FLT4: variants seen among roughly 807,000 people sequenced by gnomAD.
The protein encoded by FLT4 is vascular endothelial growth factor receptor 3.
In FLT4, 30 loss-of-function variants were observed where a neutral mutation model predicts 163.2. The observed-to-expected ratio is 0.18, with a 90% confidence interval of 0.14 to 0.25. The LOEUF (loss-of-function observed/expected upper bound fraction) is 0.25, where lower values mean the gene tolerates loss of function less well. FLT4 is among the 10% of genes least tolerant of loss of function. The pLI is 1.00. For synonymous variants in FLT4, 884 were observed against 789.5 expected (o/e 1.12, Z -2.01); for missense variants, 1,510 against 1,863.8 (o/e 0.81, Z 3.50).
chr5:180,619,473 C>A, intron 18 of FLT4, 107 bp from the exon 19 acceptor site: 1 of 984,214 alleles, frequency 1.0e-6, no homozygotes, highest in Non-Finnish European at 1.6e-6. Context: ...CCCAGGACAT[C>A]CTGCCGGCCC....
Position 180,631,685 on chromosome 5 carries a change from CAGG to C in FLT4, c.149_151del (p.Ser50del). 1 of 1,608,430 alleles carries C rather than the reference CAGG, an allele frequency of 6.2e-7. No individual in the cohort carries two copies. Among genetic ancestry groups the C allele is most frequent in the Non-Finnish European group, 8.5e-7 (1 of 1,178,524 alleles). The stretch of plus-strand genomic sequence containing the variant: ...CAGTGGGAGAGGGACCCAGTACCTG[CAGG>C]AGATGGACAGGCTGTCACCGGTGTC... On this transcript the variant is annotated inframe_deletion, in exon 2 of 30. Transcript: ENST00000261937.
At position 180,601,850 on chromosome 5, in the gene FLT4, G is replaced by A. The variant is rs865923572; in HGVS notation, c.*1342C>T. On this transcript the variant is annotated 3_prime_UTR_variant, in exon 30 of 30. Coordinates refer to ENST00000261937, the MANE Select transcript of FLT4 (RefSeq NM_182925.5). ...TGGGGGAGGTGGGGAGGGGAGGGTC[G>A]GCCGGGCAAGCCCCTGCCCGCTGCG... 13 of 233,304 alleles carry A rather than the reference G, an allele frequency of 5.6e-5. No homozygotes were observed. Among genetic ancestry groups the A allele is most frequent in the East Asian group, 2.4e-4 (4 of 16,602 alleles). The allele number at this position is 233,304 out of a possible 1,614,324, so 14.5% of individuals were successfully genotyped here. A position where few individuals can be genotyped will look rare whatever the true frequency, so the allele number is the denominator to read the frequency against.
At position 180,647,417 on chromosome 5, in the gene FLT4, A is replaced by C. The variant is rs1412108954; in HGVS notation, c.58+2071T>G. On this transcript the variant is annotated intron_variant, in intron 1 of 29. Transcript: ENST00000261937. ...GGGAAACTGAGGTGCAGGGAGGGGA[A>C]AGGAGGGGGCCCAGGTCACACAGAA... Among the ~76,000 whole-genome samples, 5 of 151,958 alleles carry C rather than the reference A, an allele frequency of 3.3e-5. No homozygotes were observed. In the East Asian group the frequency reaches 9.7e-4, roughly 29 times the overall value.
At chr5:180,624,538 G>T (rs1174045128) in intron 10 of FLT4, among the ~76,000 whole-genome samples, 2 of 152,110 alleles carry the variant, frequency 1.3e-5, no homozygotes, top group African/African-American at 4.8e-5. Flanking sequence ...TGTTTCTGGA[G>T]CTCTGTCTCC....
At position 180,602,230 on chromosome 5, in the gene FLT4, T is replaced by C; in HGVS notation, c.*962A>G. On this transcript the variant is annotated 3_prime_UTR_variant, in exon 30 of 30. Transcript: ENST00000261937. ...GAGTGGATCCCACAGTGTTCATCTC[T>C]CATGAGCTGGTTCACGGCTTGGGAG... 1 of 240,160 alleles carries C rather than the reference T, an allele frequency of 4.2e-6. No homozygotes were observed. Among genetic ancestry groups the C allele is most frequent in the Non-Finnish European group, 8.1e-6 (1 of 123,196 alleles). 14.9% of individuals were successfully genotyped at this position (240,160 alleles called of 1,614,324 possible). A position where few individuals can be genotyped will look rare whatever the true frequency, so the allele number is the denominator to read the frequency against.
chr5:180,640,746 C>T (rs1027414224), intron 1 of FLT4, among the ~76,000 whole-genome samples: 3 of 152,254 alleles, frequency 2.0e-5, no homozygotes, highest in African/African-American at 7.2e-5. Flanking sequence ...CTCGGCTCCA[C>T]ACCTGCGTGT....
intron 1 of FLT4, 115 bp downstream of exon 1, chr5:180,649,373 C>T: frequency 1.4e-6 from 1 of 733,530 alleles, no homozygotes; most frequent in Non-Finnish European, 2.0e-6. Flanking sequence ...GCACCAGGGC[C>T]ACCGTGTCCC....
intron 24 of FLT4, 67 bp from the exon 25 acceptor site, chr5:180,613,177 AC>A: frequency 2.6e-6 from 3 of 1,148,308 alleles, no homozygotes; most frequent in Non-Finnish European, 1.3e-6. Context: ...CCCCCAAGTC[AC>A]CCCATCCTGT....
At chr5:180,608,663 A>T (rs555776460) in intron 29 of FLT4, among the ~76,000 whole-genome samples, 201 of 151,868 alleles carry the variant, frequency 1.3e-3, no homozygotes, top group Non-Finnish European at 2.2e-3. Context: ...CCTGGAGGAG[A>T]GTGTGTGTGC....
intron 25 of FLT4, 31 bp downstream of exon 25, chr5:180,612,980 C>T (rs1762331117): frequency 1.3e-6 from 2 of 1,572,600 alleles, no homozygotes; most frequent in African/African-American, 1.4e-5. Context: ...CTTGCTGTCC[C>T]CAAAACCTGC....
intron 26 of FLT4, 22 bp from the exon 27 acceptor site, chr5:180,611,501 G>A: frequency 6.2e-7 from 1 of 1,612,250 alleles, no homozygotes; most frequent in South Asian, 1.1e-5. Flanking sequence ...AGGAGAGGCA[G>A]CCAGGCCAGA....
chr5:180,632,026 A>G (rs544538394), intron 1 of FLT4, among the ~76,000 whole-genome samples: 3 of 152,116 alleles, frequency 2.0e-5, no homozygotes, highest in African/African-American at 7.2e-5. Flanking sequence ...CCCCATCCTC[A>G]GCTACACACC....
chr5:180,608,146 T>G lies in FLT4; in HGVS notation c.3893+822A>C, dbSNP rs369825349. ...CTTGTCCACTTTCATGCTCCTCTTG[T>G]CCTCCTGGTTCCTCTTTGAAGTTTG... On this transcript the variant is annotated intron_variant, in intron 29 of 29. Coordinates refer to ENST00000261937, the MANE Select transcript of FLT4 (RefSeq NM_182925.5). The G allele has an allele frequency of 1.1e-4, 79 of 700,462 alleles. No individual in the cohort carries two copies. The East Asian group carries it at 2.0e-3, about 18-fold the overall frequency. The allele number at this position is 700,462 out of a possible 1,614,324, so 43.4% of individuals were successfully genotyped here.
chr5:180,621,197 G>C lies in FLT4; in HGVS notation c.2076C>G (p.Ser692Arg). 6.2e-7 allele frequency: 1 copy of C among 1,612,808 alleles called. No individual in the cohort carries two copies. Among genetic ancestry groups the C allele is most frequent in the Non-Finnish European group, 8.5e-7 (1 of 1,179,962 alleles). The part of the protein sequence containing the change: ...QNLTDLLVNV[S>R]DSLEMQCLVA... ...CCAAGCACTGCATCTCCAGCGAGTC[G>C]CTCACGTTCACCAGGAGGTCGGTCA... The change falls in exon 14 of 30, where the codon AGC becomes AGG. Residue 692 changes from serine (S) to arginine (R), a missense_variant. Ser to Arg is a moderately radical substitution (Grantham distance 110). This residue lies in a region of FLT4 where 878 missense variants were observed against 1,016.7 expected (regional missense o/e 0.86). Coordinates refer to ENST00000261937, the MANE Select transcript of FLT4 (RefSeq NM_182925.5).
chr5:180,643,863 C>T (rs1765320523), intron 1 of FLT4, among the ~76,000 whole-genome samples: 1 of 151,928 alleles, frequency 6.6e-6, no homozygotes, highest in African/African-American at 2.4e-5. Flanking sequence ...GCCCTGTTGC[C>T]CAGGCTGTAG....
chr5:180,644,982 C>T (rs939042255), intron 1 of FLT4, among the ~76,000 whole-genome samples: 7 of 152,204 alleles, frequency 4.6e-5, no homozygotes, highest in Admixed American at 1.3e-4. Flanking sequence ...CCAAAGGGCA[C>T]GTCCAGGGTG....
chr5:180,621,982 T>TCCTA, intron 12 of FLT4, 78 bp from the exon 13 acceptor site: 3 of 1,416,726 alleles, frequency 2.1e-6, no homozygotes, highest in African/African-American at 1.7e-5. Context: ...CGGGGTCTCC[T>TCCTA]CCTGCCTCCC....
At chr5:180,629,220 GC>G (rs1177348959) in intron 7 of FLT4, 38 bp downstream of exon 7, 4 of 1,610,536 alleles carry the variant, frequency 2.5e-6, no homozygotes, top group Non-Finnish European at 3.4e-6. Flanking sequence ...CTGGGCCCAG[GC>G]CCACAGGGCA....
At position 180,616,473 on chromosome 5, in the gene FLT4, A is replaced by T; in HGVS notation, c.3113T>A (p.Leu1038Gln). 6.2e-7 allele frequency: 1 copy of T among 1,613,814 alleles called. No homozygotes were observed. The highest frequency in any genetic ancestry group is 8.5e-7 in the Non-Finnish European group (1 of 1,179,988). Residue 1038 changes from leucine (L) to glutamine (Q), a missense_variant, in exon 23 of 30, where the codon CTG becomes CAG. Leu to Gln is a moderately radical substitution (Grantham distance 113). This residue lies in a region of FLT4 where 878 missense variants were observed against 1,016.7 expected (regional missense o/e 0.86). Transcript: ENST00000261937. ...CGACAGCAGAATGTTCCGAGCAGCC[A>T]GGTCTCTGTGGATGCACTGGGGTGC... ...LASRKCIHRDLAARNILLSES... is the reference protein window; with the variant it reads ...LASRKCIHRDQAARNILLSES...
Sources: allele counts gnomAD v4.1 joint callset (sites outside exome capture counted in the v4.1 genomes callset), GRCh38; gene constraint gnomAD v4.1.1; regional missense constraint gnomAD v4.1.1; transcripts MANE v1.5; gene names NCBI Gene and HGNC (gene_info 2026-07-23, HGNC 2026-07-21).